The following TWIST2 variants were observed in gnomAD, a reference collection of about 807,000 sequenced individuals.
TWIST2 encodes twist-related protein 2.
A neutral mutation model predicts 11.6 loss-of-function variants in TWIST2; 1 was observed. That is an observed-to-expected ratio of 0.09 (90% CI 0.03 to 0.41). The LOEUF (loss-of-function observed/expected upper bound fraction) is 0.41. Among genes scored for constraint, TWIST2 ranks in the 10% least tolerant of loss-of-function variants. The pLI is 0.98. For missense variants in TWIST2, 168 were observed against 226.4 expected (o/e 0.74, Z 1.66); for synonymous variants, 87 against 96.6 (o/e 0.90, Z 0.58).
chr2:238,900,514 A>G (rs1192502550), intron 1 of TWIST2, among the ~76,000 whole-genome samples: 1 of 152,254 alleles, frequency 6.6e-6, no homozygotes, highest in Non-Finnish European at 1.5e-5. Context: ...TTGCAGAGAA[A>G]GAAGCCCCAG....
intron 1 of TWIST2, among the ~76,000 whole-genome samples, chr2:238,893,820 G>T (rs1223888930): frequency 6.6e-6 from 1 of 152,152 alleles, no homozygotes; most frequent in Admixed American, 6.5e-5. Context: ...TGGCCTCCGC[G>T]GCAGCCTGCA....
At chr2:238,885,745 C>T (rs1039497002) in intron 1 of TWIST2, among the ~76,000 whole-genome samples, 2 of 152,168 alleles carry the variant, frequency 1.3e-5, no homozygotes. Flanking sequence ...GGGTTTTATA[C>T]ATTTTAAAGT....
chr2:238,904,752 A>G (rs1406014591), intron 1 of TWIST2, among the ~76,000 whole-genome samples: 1 of 152,052 alleles, frequency 6.6e-6, no homozygotes, highest in Non-Finnish European at 1.5e-5. Context: ...TAGATGCTCA[A>G]TTATGTCGCA....
chr2:238,908,338 A>G (rs924710209), intron 1 of TWIST2, among the ~76,000 whole-genome samples: 15 of 23,036 alleles, frequency 6.5e-4, no homozygotes, highest in Admixed American at 2.1e-3. Context: ...CATACCACAC[A>G]CACAAACACA....
chr2:238,854,077 C>T (rs184201428), intron 1 of TWIST2, among the ~76,000 whole-genome samples: 1 of 152,334 alleles, frequency 6.6e-6, no homozygotes, highest in East Asian at 1.9e-4. Context: ...TTTTACTTCT[C>T]AGACCCGAAG....
chr2:238,899,042 G>A (rs994730895), intron 1 of TWIST2, among the ~76,000 whole-genome samples: 10 of 152,360 alleles, frequency 6.6e-5, no homozygotes, highest in South Asian at 2.1e-4. Flanking sequence ...GCCCTCCGGC[G>A]TCTGACCTGG....
intron 1 of TWIST2, among the ~76,000 whole-genome samples, chr2:238,854,762 G>A (rs1692299918): frequency 6.6e-6 from 1 of 152,204 alleles, no homozygotes; most frequent in Non-Finnish European, 1.5e-5. Context: ...CTCCATGAGG[G>A]ACAGCTTGGA....
chr2:238,905,944 C>T lies in TWIST2; in HGVS notation c.*36-3898C>T, dbSNP rs1340530668. Among the ~76,000 whole-genome samples the T allele has an allele frequency of 9.1e-3, 1,291 of 142,434 alleles. 14 individuals are homozygous for T. Among genetic ancestry groups the T allele is most frequent in the African/African-American group, 0.03 (1,064 of 35,652 alleles). 93.4% of individuals were successfully genotyped at this position (142,434 alleles called of 152,430 possible). ...AGGTGTGCGTGTGCGCGTGTGTGTG[C>T]GCGCGCGTGTGTACGTGTGCGTGTG... On this transcript the variant is annotated intron_variant, in intron 1 of 1. Transcript: ENST00000612363.
chr2:238,900,377 C>T (rs894905385), intron 1 of TWIST2, among the ~76,000 whole-genome samples: 31 of 152,210 alleles, frequency 2.0e-4, no homozygotes, highest in Non-Finnish European at 3.7e-4. Context: ...GTTGCACACC[C>T]CCTGGACTCC....
chr2:238,893,214 A>G (rs1351513469), intron 1 of TWIST2, among the ~76,000 whole-genome samples: 1 of 152,226 alleles, frequency 6.6e-6, no homozygotes, highest in African/African-American at 2.4e-5. Flanking sequence ...AATTTCAAAA[A>G]TAGCTTATTT....
intron 1 of TWIST2, among the ~76,000 whole-genome samples, chr2:238,894,622 G>A (rs1268469228): frequency 6.6e-6 from 1 of 152,086 alleles, no homozygotes; most frequent in Non-Finnish European, 1.5e-5. Flanking sequence ...GTCGCTTTGG[G>A]GAGTCCCACC....
chr2:238,875,539 A>G (rs1024127116), intron 1 of TWIST2, among the ~76,000 whole-genome samples: 1 of 152,202 alleles, frequency 6.6e-6, no homozygotes, highest in Non-Finnish European at 1.5e-5. Context: ...CGTTACTGGC[A>G]TTGGTTTGCT....
intron 1 of TWIST2, among the ~76,000 whole-genome samples, chr2:238,895,086 C>T (rs1226047509): frequency 1.3e-5 from 2 of 152,340 alleles, no homozygotes; most frequent in Non-Finnish European, 1.5e-5. Context: ...TCCATATTTT[C>T]GTTCGCTGCT....
intron 1 of TWIST2, among the ~76,000 whole-genome samples, chr2:238,908,844 A>G (rs1323762115): frequency 3.3e-4 from 11 of 33,720 alleles, no homozygotes; most frequent in South Asian, 1.6e-3. Flanking sequence ...GGTGTGTGTG[A>G]TGTGTTTGTG....
intron 1 of TWIST2, among the ~76,000 whole-genome samples, chr2:238,878,903 T>C (rs1485795044): frequency 6.6e-6 from 1 of 152,204 alleles, no homozygotes; most frequent in African/African-American, 2.4e-5. Flanking sequence ...TAAATGTTAA[T>C]GTTGGAGCCT....
chr2:238,886,650 C>T (rs74000305), intron 1 of TWIST2: 3,557 of 151,948 alleles, frequency 0.023, 128 homozygotes, highest in African/African-American at 0.074. Context: ...AGCCACCTAC[C>T]GGTTGAGTGG....
intron 1 of TWIST2, chr2:238,887,031 C>T (rs1323380591): frequency 1.3e-5 from 2 of 152,118 alleles, no homozygotes; most frequent in African/African-American, 4.8e-5. Flanking sequence ...TGAACCTTCA[C>T]CAAGGTCTTG....
chr2:238,888,903 C>T (rs1315386602), intron 1 of TWIST2, among the ~76,000 whole-genome samples: 3 of 152,172 alleles, frequency 2.0e-5, no homozygotes, highest in Non-Finnish European at 2.9e-5. Flanking sequence ...ATATGAGATT[C>T]CCACCAATGA....
chr2:238,865,084 A>G (rs1692508585), intron 1 of TWIST2, among the ~76,000 whole-genome samples: 1 of 152,198 alleles, frequency 6.6e-6, no homozygotes. Flanking sequence ...CAAGCATGCA[A>G]GCACTGGGCA....
Sources: gnomAD v4.1 joint callset for allele counts (sites outside exome capture counted in the v4.1 genomes callset) on GRCh38, gnomAD v4.1.1 for gene constraint, MANE v1.5 for transcripts, NCBI Gene and HGNC (gene_info 2026-07-23, HGNC 2026-07-21) for gene names.